FOCAD: variants seen among roughly 807,000 people sequenced by gnomAD.
FOCAD encodes focadhesin.
FOCAD carries 198 observed loss-of-function variants against 225.6 expected under a neutral mutation model. That is an observed-to-expected ratio of 0.88 (90% CI 0.78 to 0.99). FOCAD has a LOEUF of 0.99. FOCAD is among the 50% of genes least tolerant of loss of function. FOCAD has a pLI of 0.00. For synonymous variants in FOCAD, 897 were observed against 755.0 expected, an observed-to-expected ratio of 1.19 and a Z score of -3.08; for missense variants, 2,713 against 2,123.6, an observed-to-expected ratio of 1.28 and a Z score of -5.46.
intron 11 of FOCAD, among the ~76,000 whole-genome samples, chr9:20,814,036 C>T (rs1387768962): frequency 6.6e-6 from 1 of 152,026 alleles, no homozygotes; most frequent in African/African-American, 2.4e-5. Context: ...TTTTGGTTAC[C>T]ATTTGTATTA....
Position 20,761,396 on chromosome 9 carries a change from G to T in FOCAD, c.494+3205G>T, listed in dbSNP as rs1046001302. Among the ~76,000 whole-genome samples the T allele has an allele frequency of 5.9e-5, 9 of 152,088 alleles. No homozygotes were observed. In the East Asian group the frequency reaches 1.7e-3, roughly 29 times the overall value. On this transcript the variant is annotated intron_variant, in intron 6 of 43. Transcript: ENST00000338382. ...GGTTTCTTGGCTAGCTAGTGGTGGA[G>T]TTGGGCCTAAAGCCTCCGTTATTTT... is the stretch of plus-strand genomic sequence containing the variant.
chr9:20,817,179 T>G (rs940984998), intron 11 of FOCAD, among the ~76,000 whole-genome samples: 2 of 152,220 alleles, frequency 1.3e-5, no homozygotes, highest in African/African-American at 4.8e-5. Flanking sequence ...CCAAATAATT[T>G]TGAATTGAAT....
At chr9:20,814,361 CT>C (rs985512252) in intron 11 of FOCAD, among the ~76,000 whole-genome samples, 3 of 145,276 alleles carry the variant, frequency 2.1e-5, no homozygotes, top group African/African-American at 2.5e-5. Flanking sequence ...TTCTTTTTTT[CT>C]TTTTTTTTTC....
At chr9:20,876,819 A>G (rs2131809538) in intron 19 of FOCAD, among the ~76,000 whole-genome samples, 1 of 152,346 alleles carries the variant, frequency 6.6e-6, no homozygotes, top group South Asian at 2.1e-4. Flanking sequence ...CAAATGCTAC[A>G]GACAGAAAAG....
At chr9:20,960,713 T>C (rs1332617119) in intron 35 of FOCAD, among the ~76,000 whole-genome samples, 2 of 151,828 alleles carry the variant, frequency 1.3e-5, no homozygotes, top group Non-Finnish European at 2.9e-5. Context: ...TGGGTATATC[T>C]CCTAATGCTT....
chr9:20,725,727 A>T (rs537286267), intron 4 of FOCAD, among the ~76,000 whole-genome samples: 245 of 152,340 alleles, frequency 1.6e-3, no homozygotes, highest in Non-Finnish European at 2.6e-3. Context: ...GTTACATTGT[A>T]TAGTCTAACT....
Position 20,866,961 on chromosome 9 carries a change from C to G in FOCAD, c.2139C>G (p.Ser713=). 6.9e-7 allele frequency: 1 copy of G among 1,442,254 alleles called. No individual in the cohort carries two copies. Among genetic ancestry groups the G allele is most frequent in the East Asian group, 2.9e-5 (1 of 34,572 alleles). 89.3% of individuals were successfully genotyped at this position (1,442,254 alleles called of 1,614,324 possible). ...TTGTAGCAAATGCTGCATATAGATC[C>G]CTGGCCAACTTTAGTGCAGGAGAAC... ...DPIVANAAYR[S]LANFSAGEHT... The change falls in exon 18 of 44, where the codon TCC becomes TCG. Residue 713 remains serine (S), a synonymous_variant. Transcript: ENST00000338382.
At chr9:20,784,508 G>T (rs1342699339) in intron 10 of FOCAD, among the ~76,000 whole-genome samples, 2 of 152,188 alleles carry the variant, frequency 1.3e-5, no homozygotes, top group Admixed American at 6.5e-5. Flanking sequence ...AGTAAGGGTG[G>T]ATGGGTGAGA....
At chr9:20,708,384 G>A (rs887682482) in intron 1 of FOCAD, among the ~76,000 whole-genome samples, 7 of 152,108 alleles carry the variant, frequency 4.6e-5, no homozygotes, top group African/African-American at 1.7e-4. Flanking sequence ...CTAAAACATA[G>A]AGCCCATTAA....
chr9:20,943,966 A>G (rs1329384786), intron 28 of FOCAD, among the ~76,000 whole-genome samples: 2 of 152,196 alleles, frequency 1.3e-5, no homozygotes, highest in Non-Finnish European at 2.9e-5. Flanking sequence ...TTTCAATTGA[A>G]TTGTCACATG....
chr9:20,856,192 T>C (rs1828163176), intron 15 of FOCAD, among the ~76,000 whole-genome samples: 1 of 152,034 alleles, frequency 6.6e-6, no homozygotes, highest in Non-Finnish European at 1.5e-5. Flanking sequence ...CCATAGTGGC[T>C]GTACTAATTT....
chr9:20,981,544 C>G lies in FOCAD; in HGVS notation c.4496C>G (p.Pro1499Arg), dbSNP rs1224879597. 6.2e-7 allele frequency: 1 copy of G among 1,614,080 alleles called. No homozygotes were observed. Among genetic ancestry groups the G allele is most frequent in the South Asian group, 1.1e-5 (1 of 91,080 alleles). Residue 1499 changes from proline to arginine, a missense_variant, in exon 38 of 44, where the codon CCA (proline) becomes CGA (arginine). Pro to Arg is a moderately radical substitution (Grantham distance 103). Transcript: ENST00000338382. ...GTGGCAGTTTTTAAAGCAGCTTCCC[C>G]ACTTGGAAGTCCTGAGCTATGCCCA... ...LMVAVFKAAS[P>R]LGSPELCPSA...
At chr9:20,743,331 T>A (rs1827781416) in intron 5 of FOCAD, among the ~76,000 whole-genome samples, 1 of 152,182 alleles carries the variant, frequency 6.6e-6, no homozygotes, top group Non-Finnish European at 1.5e-5. Context: ...CTAATCTGTG[T>A]TTTTATGGTA....
Position 20,916,888 on chromosome 9 carries a change from T to G in FOCAD, c.2808-5T>G, listed in dbSNP as rs1280926872. 1 of 1,602,354 alleles carries G rather than the reference T, an allele frequency of 6.2e-7. No homozygotes were observed. Among genetic ancestry groups the G allele is most frequent in the South Asian group, 1.1e-5 (1 of 87,862 alleles). On this transcript the variant is annotated splice_polypyrimidine_tract_variant and splice_region_variant and intron_variant, in intron 23 of 43. Transcript: ENST00000338382. ...ACTCTCGTCTATTTTCCATCTTTAT[T>G]GCAGGGTTAGAGACATGCTGACTGA...
At chr9:20,853,616 A>G (rs1827885787) in intron 15 of FOCAD, among the ~76,000 whole-genome samples, 1 of 151,740 alleles carries the variant, frequency 6.6e-6, no homozygotes, top group Non-Finnish European at 1.5e-5. Flanking sequence ...ATGTTCATCT[A>G]TATTCTTTGC....
intron 15 of FOCAD, among the ~76,000 whole-genome samples, chr9:20,860,799 C>A (rs1267971672): frequency 6.6e-6 from 1 of 152,206 alleles, no homozygotes; most frequent in Non-Finnish European, 1.5e-5. Context: ...GCGTGAGCCA[C>A]CACGCCAGGC....
intron 15 of FOCAD, among the ~76,000 whole-genome samples, chr9:20,847,742 TA>T (rs1315876556): frequency 2.6e-5 from 4 of 152,072 alleles, no homozygotes; most frequent in Admixed American, 6.6e-5. Context: ...AGTTTCCCTG[TA>T]AAACGAAATT....
intron 41 of FOCAD, among the ~76,000 whole-genome samples, chr9:20,989,158 G>C (rs933228273): frequency 6.6e-6 from 1 of 152,166 alleles, no homozygotes; most frequent in African/African-American, 2.4e-5. Context: ...TCTGTTTGCT[G>C]TGTGAGTCAA....
At chr9:20,674,602 C>A (rs1395891647) in intron 2 of FOCAD, among the ~76,000 whole-genome samples, 1 of 152,202 alleles carries the variant, frequency 6.6e-6, no homozygotes, top group South Asian at 2.1e-4. Flanking sequence ...GCTGTGGTGC[C>A]ACTTTGGAAC....
Sources: gnomAD v4.1 joint callset for allele counts (sites outside exome capture counted in the v4.1 genomes callset) on GRCh38, gnomAD v4.1.1 for gene constraint, MANE v1.5 for transcripts, NCBI Gene and HGNC (gene_info 2026-07-23, HGNC 2026-07-21) for gene names.